The following ETV1 variants were observed in gnomAD, a reference collection of about 807,000 sequenced individuals.
ETV1 encodes ETS translocation variant 1.
A neutral mutation model predicts 62.3 loss-of-function variants in ETV1; 27 were observed. The ratio of observed to expected loss-of-function variants is 0.43; its 90% confidence interval spans 0.32 to 0.60. The LOEUF (loss-of-function observed/expected upper bound fraction) is 0.60. Among genes scored for constraint, ETV1 ranks in the 20% least tolerant of loss-of-function variants. The probability of loss-of-function intolerance (pLI) is 0.06; values close to 1 mark genes in which losing one functional copy is unlikely to be tolerated. For missense variants in ETV1, 605 were observed against 605.8 expected (o/e 1.00, Z 0.01); for synonymous variants, 222 against 199.6 (o/e 1.11, Z -0.94).
At position 13,989,586 on chromosome 7, in the gene ETV1, G is replaced by T. The variant is rs1782867068; in HGVS notation, c.-308C>A. The T allele has an allele frequency of 2.5e-6, 1 of 398,984 alleles. No individual in the cohort carries two copies. The highest frequency in any genetic ancestry group is 2.1e-5 in the African/African-American group (1 of 48,612). The allele number at this position is 398,984 out of a possible 1,614,324, so 24.7% of individuals were successfully genotyped here. A position where few individuals can be genotyped will look rare whatever the true frequency, so the allele number is the denominator to read the frequency against. ...ACCTGAAGGCCACGCTAGGCGAAAG[G>T]CTGCAAAAACTTCCCTCCAAATTTA... On this transcript the variant is annotated 5_prime_UTR_variant, in exon 1 of 14. Coordinates refer to ENST00000430479, the MANE Select transcript of ETV1 (RefSeq NM_004956.5).
intron 3 of ETV1, chr7:13,988,727 G>A: frequency 6.2e-7 from 1 of 1,612,386 alleles, no homozygotes; most frequent in South Asian, 1.1e-5. Flanking sequence ...AACTTTGAGT[G>A]CAGCAGCTGC....
At chr7:13,936,364 T>G (rs1389769020) in intron 7 of ETV1, among the ~76,000 whole-genome samples, 1 of 152,228 alleles carries the variant, frequency 6.6e-6, no homozygotes, top group African/African-American at 2.4e-5. Context: ...CTTTTATTTG[T>G]GGTGGGATTT....
intron 5 of ETV1, among the ~76,000 whole-genome samples, chr7:13,985,892 A>G (rs76271501): frequency 0.031 from 4,726 of 152,264 alleles, 136 homozygotes; most frequent in Non-Finnish European, 0.04. Context: ...TAAAAGATAT[A>G]ACAGATTGCA....
At position 13,939,180 on chromosome 7, in the gene ETV1, G is replaced by C; in HGVS notation, c.302C>G (p.Ser101Cys). ...EPHSPCSEIS[S>C]ACSQEQPFKF... ...AAAGGGCTGTTCTTGACTGCAGGCA[G>C]AGCTGATTTCTGAACATGGACTGTG... Residue 101 changes from serine to cysteine, a missense_variant, in exon 7 of 14, where the codon TCT (serine) becomes TGT (cysteine). This residue lies in a region of ETV1 where 426 missense variants were observed against 377.8 expected (regional missense o/e 1.13). Transcript: ENST00000430479. The C allele has an allele frequency of 6.2e-7, 1 of 1,613,346 alleles. No individual in the cohort carries two copies. Among genetic ancestry groups the C allele is most frequent in the Non-Finnish European group, 8.5e-7 (1 of 1,179,682 alleles).
chr7:13,979,819 A>G (rs1781812029), intron 5 of ETV1, among the ~76,000 whole-genome samples: 1 of 152,130 alleles, frequency 6.6e-6, no homozygotes, highest in Non-Finnish European at 1.5e-5. Flanking sequence ...GATGGTATGA[A>G]TGTTCTAAAG....
intron 5 of ETV1, among the ~76,000 whole-genome samples, chr7:13,979,108 T>G (rs1216516733): frequency 6.6e-6 from 1 of 152,108 alleles, no homozygotes; most frequent in Non-Finnish European, 1.5e-5. Context: ...AAACTGCAAA[T>G]CTTAATTCTG....
chr7:13,904,960 G>C (rs1430323238), intron 12 of ETV1, among the ~76,000 whole-genome samples: 2 of 147,534 alleles, frequency 1.4e-5, no homozygotes, highest in African/African-American at 5.1e-5. Context: ...CGTCATCCTA[G>C]ATAATGAGAA....
intron 9 of ETV1, 76 bp downstream of exon 9, chr7:13,931,426 G>T: frequency 6.5e-7 from 1 of 1,549,320 alleles, no homozygotes; most frequent in South Asian, 1.1e-5. Flanking sequence ...TACCTAGTCT[G>T]ATACCAACAC....
At chr7:13,959,942 T>C (rs1313722714) in intron 6 of ETV1, among the ~76,000 whole-genome samples, 1 of 148,868 alleles carries the variant, frequency 6.7e-6, no homozygotes, top group Non-Finnish European at 1.5e-5. Flanking sequence ...TTTTTTTAAA[T>C]TGGGAGCCAT....
rs1406148288 is a variant in ETV1 at position 13,891,767 on chromosome 7, TCCA to T, written c.*4096_*4098del. 2 of 232,146 alleles carry T rather than the reference TCCA, an allele frequency of 8.6e-6. No individual in the cohort carries two copies. The highest frequency in any genetic ancestry group is 4.4e-5 in the African/African-American group (2 of 45,432). 14.4% of individuals were successfully genotyped at this position (232,146 alleles called of 1,614,324 possible). A position where few individuals can be genotyped will look rare whatever the true frequency, so the allele number is the denominator to read the frequency against. On this transcript the variant is annotated 3_prime_UTR_variant, in exon 14 of 14. Transcript: ENST00000430479. ...GTACATTTGCCTTCTTTATATTTTT[TCCA>T]CCATCACTTTTACCCAATTTGTATT...
intron 10 of ETV1, 66 bp from the exon 11 acceptor site, chr7:13,909,766 A>G (rs1783376360): frequency 3.9e-6 from 5 of 1,296,188 alleles, no homozygotes; most frequent in Non-Finnish European, 5.6e-6. Flanking sequence ...TTAAAATATA[A>G]CCATTTAACA....
chr7:13,925,798 C>T (rs532488799), intron 9 of ETV1, among the ~76,000 whole-genome samples: 18 of 152,042 alleles, frequency 1.2e-4, no homozygotes, highest in Admixed American at 9.2e-4. Flanking sequence ...CCTCGTGATC[C>T]GCCCACCTCG....
intron 5 of ETV1, among the ~76,000 whole-genome samples, chr7:13,980,707 C>T (rs943693179): frequency 6.6e-5 from 10 of 152,032 alleles, no homozygotes; most frequent in Admixed American, 5.9e-4. Context: ...CATCAAGTCT[C>T]AGGATGTCGG....
At chr7:13,917,649 C>CT (rs1784332525) in intron 9 of ETV1, among the ~76,000 whole-genome samples, 4 of 150,102 alleles carry the variant, frequency 2.7e-5, no homozygotes, top group Admixed American at 2.7e-4. Context: ...CTACCATACT[C>CT]TGACAATTAA....
At chr7:13,935,210 GATATTAA>G (rs1786666460) in intron 8 of ETV1, among the ~76,000 whole-genome samples, 1 of 152,044 alleles carries the variant, frequency 6.6e-6, no homozygotes, top group Admixed American at 6.5e-5. Context: ...TGCGTCTACT[GATATTAA>G]ATATTAATCA....
chr7:13,898,593 T>C (rs1782082761), intron 13 of ETV1, among the ~76,000 whole-genome samples: 1 of 152,226 alleles, frequency 6.6e-6, no homozygotes, highest in African/African-American at 2.4e-5. Flanking sequence ...GTTTTCAATT[T>C]TTTTAACATG....
intron 9 of ETV1, among the ~76,000 whole-genome samples, chr7:13,928,071 G>T (rs971883672): frequency 2.0e-5 from 3 of 152,140 alleles, no homozygotes; most frequent in Non-Finnish European, 4.4e-5. Flanking sequence ...ATGTTTTGAA[G>T]ATTATATATG....
At chr7:13,933,074 C>G (rs1279224360) in intron 8 of ETV1, among the ~76,000 whole-genome samples, 1 of 151,610 alleles carries the variant, frequency 6.6e-6, no homozygotes, top group African/African-American at 2.4e-5. Context: ...ATTTCATTAG[C>G]CAAAAAAAGA....
chr7:13,975,172 A>G (rs528163755), intron 6 of ETV1: 1 of 152,250 alleles, frequency 6.6e-6, no homozygotes, highest in Non-Finnish European at 1.5e-5. Context: ...TCAATGGCCA[A>G]TGTGGTTAGT....
Sources: gnomAD v4.1 joint callset for allele counts (sites outside exome capture counted in the v4.1 genomes callset) on GRCh38, gnomAD v4.1.1 for gene constraint, gnomAD v4.1.1 regional missense constraint, MANE v1.5 for transcripts, NCBI Gene and HGNC (gene_info 2026-07-23, HGNC 2026-07-21) for gene names.